Variants in TNPO1 observed in about 807,000 individuals in gnomAD.
The protein encoded by TNPO1 is transportin-1.
In TNPO1, 8 loss-of-function variants were observed where a neutral mutation model predicts 119.5. The observed-to-expected ratio is 0.07, with a 90% confidence interval of 0.04 to 0.12. The LOEUF is 0.12. Among genes scored for constraint, TNPO1 ranks in the 10% least tolerant of loss-of-function variants. TNPO1 has a pLI of 1.00. For synonymous variants in TNPO1, 362 were observed against 363.0 expected (o/e 1.00, Z 0.03); for missense variants, 576 against 1,089.8 (o/e 0.53, Z 6.64).
At chr5:72,907,731 A>G (rs1341448651) in intron 24 of TNPO1, among the ~76,000 whole-genome samples, 1 of 152,130 alleles carries the variant, frequency 6.6e-6, no homozygotes, top group African/African-American at 2.4e-5. Flanking sequence ...CAGAATGGGA[A>G]CTAATTAGGA....
intron 11 of TNPO1, among the ~76,000 whole-genome samples, chr5:72,883,821 G>T (rs879447335): frequency 6.6e-6 from 1 of 152,048 alleles, no homozygotes; most frequent in African/African-American, 2.4e-5. Context: ...ATGGCCCACC[G>T]CAGCCTTGAC....
chr5:72,883,863 G>C (rs1182816313), intron 11 of TNPO1, among the ~76,000 whole-genome samples: 2 of 151,970 alleles, frequency 1.3e-5, no homozygotes, highest in Admixed American at 1.3e-4. Context: ...TCCCACCTCA[G>C]CTCCCCAAGT....
Position 72,910,110 on chromosome 5 carries a change from A to G in TNPO1, c.*1437A>G, listed in dbSNP as rs1253462049. 1 of 152,558 alleles carries G rather than the reference A, an allele frequency of 6.6e-6. No homozygotes were observed. The highest frequency in any genetic ancestry group is 1.5e-5 in the Non-Finnish European group (1 of 68,030). The allele number at this position is 152,558 out of a possible 1,614,324, so 9.5% of individuals were successfully genotyped here. ...TTTTGTTCAAAGCATGATCTTAAAG[A>G]TATGTTTAAGTTAATGGATGTAATG... On this transcript the variant is annotated 3_prime_UTR_variant, in exon 25 of 25. Coordinates refer to ENST00000337273, the MANE Select transcript of TNPO1 (RefSeq NM_002270.4).
At chr5:72,838,168 T>A (rs1263654487) in intron 1 of TNPO1, among the ~76,000 whole-genome samples, 1 of 152,206 alleles carries the variant, frequency 6.6e-6, no homozygotes, top group South Asian at 2.1e-4. Flanking sequence ...TACCAATAAA[T>A]ACAGTGCTGT....
At chr5:72,855,462 T>A (rs1745920445) in intron 3 of TNPO1, among the ~76,000 whole-genome samples, 1 of 152,136 alleles carries the variant, frequency 6.6e-6, no homozygotes, top group South Asian at 2.1e-4. Flanking sequence ...CATTTGACAT[T>A]ATCTGGAAAC....
intron 16 of TNPO1, 32 bp from the exon 17 acceptor site, chr5:72,893,344 CA>C (rs1253200808): frequency 6.2e-7 from 1 of 1,606,996 alleles, no homozygotes; most frequent in African/African-American, 1.3e-5. Flanking sequence ...TAATTAAAAC[CA>C]AACTTACAAA....
At chr5:72,873,177 G>A (rs1000436976) in intron 7 of TNPO1, among the ~76,000 whole-genome samples, 1 of 151,982 alleles carries the variant, frequency 6.6e-6, no homozygotes. Flanking sequence ...GAGGCATCAG[G>A]AAAAATAGAC....
intron 6 of TNPO1, among the ~76,000 whole-genome samples, chr5:72,868,116 T>C (rs1264188237): frequency 2.0e-5 from 3 of 152,162 alleles, no homozygotes; most frequent in Non-Finnish European, 4.4e-5. Context: ...GAGTTTAAAA[T>C]GTTAAGGGCT....
intron 20 of TNPO1, among the ~76,000 whole-genome samples, chr5:72,898,807 G>A (rs1749622470): frequency 6.6e-6 from 1 of 152,000 alleles, no homozygotes; most frequent in African/African-American, 2.4e-5. Context: ...TCTTTCTCTT[G>A]CTTCATATGA....
intron 4 of TNPO1, among the ~76,000 whole-genome samples, chr5:72,858,969 T>A (rs1261502167): frequency 6.6e-5 from 10 of 151,760 alleles, no homozygotes; most frequent in Admixed American, 3.9e-4. Flanking sequence ...TTTTTTTTTT[T>A]AATCACCCAA....
rs568911658 is a variant in TNPO1 at position 72,853,362 on chromosome 5, G to A, written c.205+2043G>A. Among the ~76,000 whole-genome samples, 6 of 152,186 alleles carry A rather than the reference G, an allele frequency of 3.9e-5. No homozygotes were observed. In the South Asian group the frequency reaches 1.2e-3, roughly 31 times the overall value. ...AGGCTGAGGTGGGAGGATCACCTGA[G>A]CTCAGGAGGTCAAGGCTACAGTGAG... On this transcript the variant is annotated intron_variant, in intron 3 of 24. Coordinates refer to ENST00000337273, the MANE Select transcript of TNPO1 (RefSeq NM_002270.4).
At position 72,861,920 on chromosome 5, in the gene TNPO1, G is replaced by T. The variant is rs1191880110; in HGVS notation, c.462+6G>T. On this transcript the variant is annotated splice_donor_region_variant and intron_variant, in intron 5 of 24. Transcript: ENST00000337273. ...AAGATTATAATACCTGTGAGGTAAG[G>T]ATATTTGTTTCATACATAATTGGGT... 1.9e-6 allele frequency: 3 copies of T among 1,598,508 alleles called. No individual in the cohort carries two copies. Among genetic ancestry groups the T allele is most frequent in the Non-Finnish European group, 2.6e-6 (3 of 1,166,048 alleles).
At chr5:72,906,642 A>G (rs995914803) in intron 24 of TNPO1, among the ~76,000 whole-genome samples, 1 of 152,104 alleles carries the variant, frequency 6.6e-6, no homozygotes, top group African/African-American at 2.4e-5. Context: ...TTAATTTGGG[A>G]TGGACTATAT....
intron 9 of TNPO1, among the ~76,000 whole-genome samples, chr5:72,878,218 A>G (rs1747955916): frequency 6.6e-6 from 1 of 152,076 alleles, no homozygotes; most frequent in Non-Finnish European, 1.5e-5. Flanking sequence ...TTCCCCTCAT[A>G]AATAATCCTG....
chr5:72,900,858 T>G (rs1036657430), intron 21 of TNPO1, 116 bp from the exon 22 acceptor site: 8 of 578,194 alleles, frequency 1.4e-5, no homozygotes, highest in African/African-American at 1.9e-5. Flanking sequence ...CGAAAAACTC[T>G]TTTAATATAA....
chr5:72,863,399 G>C (rs919787125), intron 5 of TNPO1, among the ~76,000 whole-genome samples: 5 of 152,206 alleles, frequency 3.3e-5, no homozygotes, highest in African/African-American at 1.2e-4. Context: ...ATGAGTTCAA[G>C]ACCAGCCTGG....
chr5:72,892,915 G>A (rs1001012373), intron 15 of TNPO1, among the ~76,000 whole-genome samples: 4 of 147,860 alleles, frequency 2.7e-5, no homozygotes, highest in African/African-American at 7.5e-5. Context: ...GTTTCTTGTA[G>A]AAACGCTTCC....
chr5:72,846,470 G>A (rs75634643), intron 1 of TNPO1, among the ~76,000 whole-genome samples: 4,703 of 152,238 alleles, frequency 0.031, 119 homozygotes, highest in Middle Eastern at 0.099. Context: ...AGATTAGAAT[G>A]TAGAAAGATT....
intron 20 of TNPO1, 62 bp downstream of exon 20, chr5:72,897,213 C>A: frequency 8.5e-7 from 1 of 1,177,494 alleles, no homozygotes. Flanking sequence ...TTTTAATATG[C>A]GTAGAGAAAC....
Sources: allele counts gnomAD v4.1 joint callset (sites outside exome capture counted in the v4.1 genomes callset), GRCh38; gene constraint gnomAD v4.1.1; transcripts MANE v1.5; gene names NCBI Gene and HGNC (gene_info 2026-07-23, HGNC 2026-07-21).